Variants in SAMD5 observed in about 807,000 individuals in gnomAD.
SAMD5 encodes sterile alpha motif domain containing 5, also known as sterile alpha motif domain-containing protein 5.
Under a neutral mutation model 11.3 loss-of-function variants are expected in SAMD5, and 13 were observed. That is an observed-to-expected ratio of 1.15 (90% confidence interval 0.75 to 1.83). SAMD5 has a LOEUF of 1.83. Ranked by LOEUF, SAMD5 falls within the 40% of genes most tolerant of loss-of-function variation. SAMD5 has a pLI of 0.00. For missense variants in SAMD5, 255 were observed against 239.1 expected, an observed-to-expected ratio of 1.07 and a Z score of -0.44; for synonymous variants, 129 against 111.3, an observed-to-expected ratio of 1.16 and a Z score of -1.00.
the SAMD5 span, among the ~76,000 whole-genome samples, chr6:147,904,891 C>CT: frequency 2.6e-3 from 368 of 139,254 alleles, 1 homozygote; most frequent in African/African-American, 7.3e-3. Context: ...GACTTTATGC[C>CT]TTTTTTTTTT....
intron 1 of SAMD5, among the ~76,000 whole-genome samples, chr6:147,579,211 C>T (rs959542631): frequency 3.3e-5 from 5 of 152,216 alleles, no homozygotes; most frequent in Admixed American, 6.5e-5. Flanking sequence ...TCTATCAAAA[C>T]AGAGTGGCAC....
At chr6:147,736,001 G>A (rs1791798273) in intron 1 of SAMD5, among the ~76,000 whole-genome samples, 1 of 152,088 alleles carries the variant, frequency 6.6e-6, no homozygotes, top group South Asian at 2.1e-4. Flanking sequence ...ATGTCTAGGT[G>A]GGTAGCTGTG....
intron 1 of SAMD5, among the ~76,000 whole-genome samples, chr6:147,652,783 A>G (rs1790508946): frequency 1.3e-5 from 2 of 152,184 alleles, no homozygotes; most frequent in Admixed American, 1.3e-4. Flanking sequence ...CTTATCCCAT[A>G]TGATGTGTTG....
chr6:147,659,840 C>G (rs1523964), intron 1 of SAMD5, among the ~76,000 whole-genome samples: 1 of 152,080 alleles, frequency 6.6e-6, no homozygotes, highest in Non-Finnish European at 1.5e-5. Context: ...TAGCTGGAAA[C>G]AGGACTGGGA....
chr6:147,715,668 T>A (rs979968631), intron 1 of SAMD5, among the ~76,000 whole-genome samples: 4 of 152,196 alleles, frequency 2.6e-5, no homozygotes, highest in Non-Finnish European at 5.9e-5. Context: ...CAAGTTCTCG[T>A]CCTGCGTCCA....
chr6:147,761,091 A>G, the SAMD5 span, among the ~76,000 whole-genome samples: 2 of 152,182 alleles, frequency 1.3e-5, no homozygotes, highest in Non-Finnish European at 2.9e-5. Context: ...TTTATAAATA[A>G]CTTCCTAACA....
At chr6:147,627,197 CT>C (rs1354752718) in intron 1 of SAMD5, among the ~76,000 whole-genome samples, 6 of 152,150 alleles carry the variant, frequency 3.9e-5, no homozygotes, top group East Asian at 3.9e-4. Context: ...AGAGGAAGCA[CT>C]TTTTTTTCTC....
At chr6:147,587,400 C>G (rs1030128219) in intron 1 of SAMD5, among the ~76,000 whole-genome samples, 7 of 152,044 alleles carry the variant, frequency 4.6e-5, no homozygotes, top group Admixed American at 1.3e-4. Context: ...ACTGTGCCGG[C>G]TAATTTTTGT....
At chr6:147,511,164 T>C (rs187858525) in intron 1 of SAMD5, among the ~76,000 whole-genome samples, 1 of 152,264 alleles carries the variant, frequency 6.6e-6, no homozygotes, top group Non-Finnish European at 1.5e-5. Flanking sequence ...TGCTGTGTAA[T>C]GGGGCGGGGA....
At chr6:147,944,359 T>A in the SAMD5 span, among the ~76,000 whole-genome samples, 2 of 152,132 alleles carry the variant, frequency 1.3e-5, no homozygotes, top group African/African-American at 4.8e-5. Context: ...GCAAGTCACC[T>A]CTTACACGGA....
chr6:147,714,838 CTG>C (rs1401454506), intron 1 of SAMD5, among the ~76,000 whole-genome samples: 1 of 152,126 alleles, frequency 6.6e-6, no homozygotes, highest in Middle Eastern at 3.2e-3. Flanking sequence ...GTAACGCAAT[CTG>C]TGAATGTTTT....
intron 1 of SAMD5, among the ~76,000 whole-genome samples, chr6:147,623,349 A>C (rs1449545077): frequency 6.6e-6 from 1 of 152,244 alleles, no homozygotes; most frequent in Admixed American, 6.5e-5. Flanking sequence ...CCATATGACA[A>C]ATAATGTTAA....
the SAMD5 span, among the ~76,000 whole-genome samples, chr6:147,932,781 A>C: frequency 6.6e-6 from 1 of 152,168 alleles, no homozygotes; most frequent in African/African-American, 2.4e-5. Flanking sequence ...GTAAACACTC[A>C]GGCAGAGTCT....
the SAMD5 span, among the ~76,000 whole-genome samples, chr6:147,800,628 C>T: frequency 3.3e-5 from 5 of 152,236 alleles, no homozygotes; most frequent in South Asian, 1.0e-3. Context: ...CTTTGCCCAT[C>T]CTATTTTTAA....
chr6:147,596,798 G>A (rs7754571), intron 1 of SAMD5, among the ~76,000 whole-genome samples: 7,392 of 152,258 alleles, frequency 0.049, 553 homozygotes, highest in African/African-American at 0.16. Context: ...TTGGTTAGAT[G>A]GGTGTTGTGG....
rs192479257 is a variant in SAMD5 at position 147,690,786 on chromosome 6, A to C, written c.163-46531A>C. On this transcript the variant is annotated intron_variant, in intron 1 of 1. Transcript: ENST00000566741. Reference sequence around the variant, plus strand: ...TTGAGCAAAGCAGTTAACTTCTCTGAATTTTATGTTTCCTCTCTGGAAATG... The same window carrying C: ...TTGAGCAAAGCAGTTAACTTCTCTGCATTTTATGTTTCCTCTCTGGAAATG... 5.7e-3 allele frequency among the ~76,000 whole-genome samples: 864 copies of C among 152,268 alleles called. 4 individuals are homozygous for C. The highest frequency in any genetic ancestry group is 0.012 in the Admixed American group (184 of 15,300).
intron 1 of SAMD5, among the ~76,000 whole-genome samples, chr6:147,649,915 C>A (rs1400261512): frequency 2.0e-5 from 3 of 152,068 alleles, no homozygotes; most frequent in Non-Finnish European, 4.4e-5. Context: ...TATTACCATG[C>A]CTTTTAAATG....
chr6:147,711,444 A>G lies in SAMD5; in HGVS notation c.163-25873A>G, dbSNP rs150119442. Among the ~76,000 whole-genome samples the G allele has an allele frequency of 5.3e-5, 8 of 152,300 alleles. No homozygotes were observed. Among genetic ancestry groups the G allele is most frequent in the Non-Finnish European group, 8.8e-5 (6 of 68,032 alleles). On this transcript the variant is annotated intron_variant, in intron 1 of 1. Coordinates refer to the SAMD5 transcript ENST00000566741. This position sits in a 1 kb window ranked among gnomAD's most constrained non-coding sequence, Gnocchi z 4.1. ...AGTCTTGATCAAGCCAGGCCGCTCT[A>G]ATTCTCAGCTGCTTCTCATTAGCCA...
chr6:147,570,886 G>T (rs1277248750), downstream of SAMD5, among the ~76,000 whole-genome samples: 2 of 152,164 alleles, frequency 1.3e-5, no homozygotes, highest in Non-Finnish European at 2.9e-5. Flanking sequence ...TAACACCCCA[G>T]GTTGGTGGCA....
Sources: gnomAD v4.1 joint callset for allele counts (sites outside exome capture counted in the v4.1 genomes callset) on GRCh38, gnomAD v4.1.1 for gene constraint, Gnocchi (gnomAD v3.1) non-coding constraint, MANE v1.5 for transcripts, NCBI Gene and HGNC (gene_info 2026-07-23, HGNC 2026-07-21) for gene names.